GAL3ST4: variants seen among roughly 807,000 people sequenced by gnomAD.
GAL3ST4 encodes the protein beta-galactose-3-O-sulfotransferase 4.
Under a neutral mutation model 31.6 loss-of-function variants are expected in GAL3ST4, and 30 were observed. The observed-to-expected ratio is 0.95, with a 90% CI of 0.71 to 1.29. GAL3ST4 has a LOEUF of 1.29. GAL3ST4 is among the 50% of genes most tolerant of loss of function. GAL3ST4 has a pLI of 0.00. For synonymous variants in GAL3ST4, 248 were observed against 256.9 expected, an observed-to-expected ratio of 0.97 and a Z score of 0.33; for missense variants, 629 against 625.2, an observed-to-expected ratio of 1.01 and a Z score of -0.06.
Position 100,160,169 on chromosome 7 carries a change from C to T in GAL3ST4, c.1220G>A (p.Cys407Tyr). Reference sequence around the variant, plus strand: ...GTCAGAAGCCTCACCCCCTACCAGACAATGTTTCGCTAGGGCCTCTCGGCG... The same window carrying T: ...GTCAGAAGCCTCACCCCCTACCAGATAATGTTTCGCTAGGGCCTCTCGGCG... ...RARREALAKH[C>Y]LVGGEASDPK... The change falls in exon 4 of 4, where the codon TGT (cysteine) becomes TAT (tyrosine). Residue 407 changes from cysteine to tyrosine, a missense_variant. By Grantham distance (194) the Cys-to-Tyr change is radical. Coordinates refer to ENST00000360039, the MANE Select transcript of GAL3ST4 (RefSeq NM_024637.5). The T allele has an allele frequency of 6.2e-7, 1 of 1,614,038 alleles. No homozygotes were observed. The highest frequency in any genetic ancestry group is 8.5e-7 in the Non-Finnish European group (1 of 1,179,936).
In GAL3ST4 at chr7:100,159,762, G is replaced by A. The variant is rs1273426740; in HGVS notation, c.*166C>T. The A allele has an allele frequency of 6.8e-6, 4 of 592,384 alleles. No individual in the cohort carries two copies. In the African/African-American group the frequency reaches 7.5e-5, roughly 11 times the overall value. 36.7% of individuals were successfully genotyped at this position (592,384 alleles called of 1,614,324 possible). On this transcript the variant is annotated 3_prime_UTR_variant, in exon 4 of 4. Transcript: ENST00000360039. The stretch of plus-strand genomic sequence containing the variant: ...GGGGGAAAGAACAAAATGAGTGGAG[G>A]GTGGAGGAGGGAAGCACTGCTGGGA...
rs754337842 is a variant in GAL3ST4, at chr7:100,160,855, G to A, written c.534C>T (p.Ala178=). The A allele has an allele frequency of 5.0e-6, 8 of 1,614,132 alleles. No homozygotes were observed. Among genetic ancestry groups the A allele is most frequent in the African/African-American group, 2.7e-5 (2 of 74,950 alleles). The change falls in exon 4 of 4, where the codon GCC becomes GCT. Residue 178 remains alanine, a synonymous_variant. Coordinates refer to ENST00000360039, the MANE Select transcript of GAL3ST4 (RefSeq NM_024637.5). Reference sequence around the variant, plus strand: ...CAGCCAAAGATGGTGACTTGCGGAAGGCTGATGAGGTGGATTTATAGTAGG... The same window carrying A: ...CAGCCAAAGATGGTGACTTGCGGAAAGCTGATGAGGTGGATTTATAGTAGG... The part of the protein sequence containing the change: ...AFSYYKSTSS[A]FRKSPSLAAF...
chr7:100,159,916 G>A lies in GAL3ST4; in HGVS notation c.*12C>T. On this transcript the variant is annotated 3_prime_UTR_variant, in exon 4 of 4. Transcript: ENST00000360039. Reference sequence around the variant, plus strand: ...CATGGCTGCTCTTCCACCTAAATCTGTAGTCTGATGTTTATGGGGAGAGTG... The same window carrying A: ...CATGGCTGCTCTTCCACCTAAATCTATAGTCTGATGTTTATGGGGAGAGTG... 1 of 1,578,286 alleles carries A rather than the reference G, an allele frequency of 6.3e-7. No individual in the cohort carries two copies. The highest frequency in any genetic ancestry group is 8.6e-7 in the Non-Finnish European group (1 of 1,160,500).
At position 100,167,300 on chromosome 7, in the gene GAL3ST4, G is replaced by A. The variant is rs757405351; in HGVS notation, c.-188-17C>T. On this transcript the variant is annotated splice_polypyrimidine_tract_variant and intron_variant, in intron 1 of 3. Coordinates refer to ENST00000360039, the MANE Select transcript of GAL3ST4 (RefSeq NM_024637.5). ...TGTCAGCGTCTAGAAGGGAAATGAG[G>A]GGGGAAGAAGGGAAGTCTAAGGAGA... is the stretch of plus-strand genomic sequence containing the variant. 3 of 1,276,652 alleles carry A rather than the reference G, an allele frequency of 2.3e-6. No individual in the cohort carries two copies. Among genetic ancestry groups the A allele is most frequent in the Non-Finnish European group, 3.2e-6 (3 of 951,460 alleles). The allele number at this position is 1,276,652 out of a possible 1,614,324, so 79.1% of individuals were successfully genotyped here.
In GAL3ST4 at chr7:100,160,490, A is replaced by G; in HGVS notation, c.899T>C (p.Leu300Pro). The change falls in exon 4 of 4, where the codon CTG (leucine) becomes CCG (proline). Residue 300 changes from leucine (L) to proline (P), a missense_variant. Physicochemically the swap from Leu to Pro is moderately conservative, Grantham distance 98. Transcript: ENST00000360039. The stretch of plus-strand genomic sequence containing the variant: ...ATCGAAGTACTCAGCCACCATGACC[A>G]GGTCAAAGACAGAGTCCAGCCATGC... ...GLAWLDSVFD[L>P]VMVAEYFDES... The G allele has an allele frequency of 6.2e-7, 1 of 1,614,080 alleles. No homozygotes were observed.
Position 100,160,307 on chromosome 7 carries a change from G to C in GAL3ST4, c.1082C>G (p.Ala361Gly), listed in dbSNP as rs1364763696. 6.2e-7 allele frequency: 1 copy of C among 1,613,786 alleles called. No homozygotes were observed. The highest frequency in any genetic ancestry group is 1.7e-5 in the Admixed American group (1 of 60,024). Reference sequence around the variant, plus strand: ...GAGAGCCCAGTCCAGGTTGTTCCAGGCTCGGGCCCGTGCAGTCAGCTGCCG... The same window carrying C: ...GAGAGCCCAGTCCAGGTTGTTCCAGCCTCGGGCCCGTGCAGTCAGCTGCCG... ...EDRQLTARAR[A>G]WNNLDWALYV... The change falls in exon 4 of 4, where the codon GCC becomes GGC. Residue 361 changes from alanine (A) to glycine (G), a missense_variant. Coordinates refer to ENST00000360039, the MANE Select transcript of GAL3ST4 (RefSeq NM_024637.5).
chr7:100,164,926 G>T (rs1799050260), intron 3 of GAL3ST4, among the ~76,000 whole-genome samples: 1 of 148,654 alleles, frequency 6.7e-6, no homozygotes, highest in African/African-American at 2.5e-5. Context: ...CCAGGCTGGA[G>T]TGCAGTGGCA....
At chr7:100,162,493 C>G (rs1372409919) in intron 3 of GAL3ST4, among the ~76,000 whole-genome samples, 2 of 147,760 alleles carry the variant, frequency 1.4e-5, no homozygotes, top group Non-Finnish European at 3.0e-5. Context: ...TGCAGTGAGC[C>G]GAGATCGCGC....
rs1239333392 is a variant in GAL3ST4, at chr7:100,159,252, A to G, written c.*676T>C. ...CCTCCATAAATCAAGTAGAAGTTTC[A>G]AATTATTTATTCATTCAACAAACAT... is the stretch of plus-strand genomic sequence containing the variant. On this transcript the variant is annotated 3_prime_UTR_variant, in exon 4 of 4. Coordinates refer to ENST00000360039, the MANE Select transcript of GAL3ST4 (RefSeq NM_024637.5). The G allele has an allele frequency of 2.0e-5, 3 of 152,234 alleles. No individual in the cohort carries two copies. The highest frequency in any genetic ancestry group is 7.2e-5 in the African/African-American group (3 of 41,452). The allele number at this position is 152,234 out of a possible 1,614,324, so 9.4% of individuals were successfully genotyped here. A position where few individuals can be genotyped will look rare whatever the true frequency, so the allele number is the denominator to read the frequency against.
chr7:100,161,331 T>C (rs967979516), intron 3 of GAL3ST4, among the ~76,000 whole-genome samples: 11 of 151,720 alleles, frequency 7.3e-5, no homozygotes, highest in African/African-American at 2.7e-4. Context: ...CTGGGCAACA[T>C]AGCGAGACCC....
chr7:100,164,582 C>A (rs570032264), intron 3 of GAL3ST4, among the ~76,000 whole-genome samples: 1 of 152,204 alleles, frequency 6.6e-6, no homozygotes, highest in Admixed American at 6.5e-5. Context: ...TTGCTTGAAC[C>A]CGGGAGGCAG....
chr7:100,160,317 G>C lies in GAL3ST4; in HGVS notation c.1072C>G (p.Arg358Gly), dbSNP rs760041016. ...TCCAGGTTGTTCCAGGCTCGGGCCC[G>C]TGCAGTCAGCTGCCGGTCCTCCGCA... Reference protein sequence around the residue: ...LTAEDRQLTARARAWNNLDWA... With the variant: ...LTAEDRQLTAGARAWNNLDWA... The change falls in exon 4 of 4, where the codon CGG becomes GGG. Residue 358 changes from arginine (R) to glycine (G), a missense_variant. Arg to Gly is a moderately radical substitution (Grantham distance 125). Coordinates refer to ENST00000360039, the MANE Select transcript of GAL3ST4 (RefSeq NM_024637.5). 2 of 1,613,770 alleles carry C rather than the reference G, an allele frequency of 1.2e-6. No individual in the cohort carries two copies. The highest frequency in any genetic ancestry group is 1.7e-6 in the Non-Finnish European group (2 of 1,179,920).
Position 100,160,381 on chromosome 7 carries a change from A to T in GAL3ST4, c.1008T>A (p.His336Gln). 1 of 1,614,038 alleles carries T rather than the reference A, an allele frequency of 6.2e-7. No homozygotes were observed. The highest frequency in any genetic ancestry group is 1.1e-5 in the South Asian group (1 of 91,082). Residue 336 changes from histidine to glutamine, a missense_variant, in exon 4 of 4, where the codon CAT becomes CAA. Physicochemically the swap from His to Gln is conservative, Grantham distance 24 (BLOSUM62 0). Coordinates refer to ENST00000360039, the MANE Select transcript of GAL3ST4 (RefSeq NM_024637.5). ...TGCTGACAGTGCTGAGGCCCTGCTT[A>T]TGTCCAGCCTGGGCATTGTGCATGA... is the stretch of plus-strand genomic sequence containing the variant. The part of the protein sequence containing the change: ...VGFMHNAQAG[H>Q]KQGLSTVSNS...
In GAL3ST4 at chr7:100,167,159, A is replaced by G. The variant is rs890232896; in HGVS notation, c.-64T>C. ...CAGGGCCAGGAAGAGGGGCAGAGAC[A>G]GCTGGAGACAGCCGTGCAGCTGCGG... is the stretch of plus-strand genomic sequence containing the variant. On this transcript the variant is annotated 5_prime_UTR_variant, in exon 2 of 4. Coordinates refer to ENST00000360039, the MANE Select transcript of GAL3ST4 (RefSeq NM_024637.5). The G allele has an allele frequency of 9.0e-6, 14 of 1,551,136 alleles. No individual in the cohort carries two copies. In the Admixed American group the frequency reaches 1.8e-4, roughly 20 times the overall value.
Position 100,159,587 on chromosome 7 carries a change from G to C in GAL3ST4, c.*341C>G, listed in dbSNP as rs1798960808. On this transcript the variant is annotated 3_prime_UTR_variant, in exon 4 of 4. Transcript: ENST00000360039. The stretch of plus-strand genomic sequence containing the variant: ...ATATAAAAATTAGCCGGGTATGGTG[G>C]CACGTATCTGTAATCCTAGCTACTC... The C allele has an allele frequency of 1.0e-5, 2 of 200,428 alleles. No individual in the cohort carries two copies. Among genetic ancestry groups the C allele is most frequent in the Non-Finnish European group, 2.0e-5 (2 of 97,614 alleles). 12.4% of individuals were successfully genotyped at this position (200,428 alleles called of 1,614,324 possible). A position where few individuals can be genotyped will look rare whatever the true frequency, so the allele number is the denominator to read the frequency against.
rs763878367 is a variant in GAL3ST4 at position 100,160,825 on chromosome 7, G to A, written c.564C>T (p.Phe188=). ...AFRKSPSLAA[F]LANPRGFYRP... ...TGTAGAAGCCTCGAGGATTGGCCAG[G>A]AAGGCAGCCAAAGATGGTGACTTGC... is the stretch of plus-strand genomic sequence containing the variant. The change falls in exon 4 of 4, where the codon TTC becomes TTT. Residue 188 remains phenylalanine, a synonymous_variant. Coordinates refer to ENST00000360039, the MANE Select transcript of GAL3ST4 (RefSeq NM_024637.5). 8 of 1,614,258 alleles carry A rather than the reference G, an allele frequency of 5.0e-6. No homozygotes were observed. The highest frequency in any genetic ancestry group is 6.8e-6 in the Non-Finnish European group (8 of 1,180,048).
chr7:100,161,878 C>T lies in GAL3ST4; in HGVS notation c.430-919G>A, dbSNP rs192515470. Among the ~76,000 whole-genome samples, 287 of 152,184 alleles carry T rather than the reference C, an allele frequency of 1.9e-3. 1 individual carries two copies. The highest frequency in any genetic ancestry group is 5.7e-3 in the African/African-American group (236 of 41,524). ...TAACACAGGAACAGAAAACCAAACACCATGTGTTCTCACTCATAAGTAAGT... is the reference window on the plus strand; with the variant it reads ...TAACACAGGAACAGAAAACCAAACATCATGTGTTCTCACTCATAAGTAAGT... On this transcript the variant is annotated intron_variant, in intron 3 of 3. Coordinates refer to ENST00000360039, the MANE Select transcript of GAL3ST4 (RefSeq NM_024637.5).
Position 100,159,865 on chromosome 7 carries a change from C to T in GAL3ST4, c.*63G>A. ...ATGCAGAAATGGCATCTTGCTGCCC[C>T]CCACTCATCACATGTGCCCTTCAAA... On this transcript the variant is annotated 3_prime_UTR_variant, in exon 4 of 4. Transcript: ENST00000360039. 7.4e-7 allele frequency: 1 copy of T among 1,355,064 alleles called. No individual in the cohort carries two copies. The highest frequency in any genetic ancestry group is 1.0e-6 in the Non-Finnish European group (1 of 979,710). 83.9% of individuals were successfully genotyped at this position (1,355,064 alleles called of 1,614,324 possible).
At chr7:100,167,961 A>C (rs1435249880) in intron 1 of GAL3ST4, 1 of 151,960 alleles carries the variant, frequency 6.6e-6, no homozygotes, top group Non-Finnish European at 1.5e-5. Context: ...CACCCGGAGG[A>C]GACTGAAAGG....
Sources: allele counts gnomAD v4.1 joint callset (sites outside exome capture counted in the v4.1 genomes callset), GRCh38; gene constraint gnomAD v4.1.1; transcripts MANE v1.5; gene names NCBI Gene and HGNC (gene_info 2026-07-23, HGNC 2026-07-21).